Variants in PRH2 observed in about 807,000 individuals in gnomAD.
PRH2 encodes the protein proline rich protein HaeIII subfamily 2.
PRH2 carries 19 observed loss-of-function variants against 22.6 expected under a neutral mutation model. The observed-to-expected ratio is 0.84, with a 90% confidence interval of 0.59 to 1.23. The LOEUF (loss-of-function observed/expected upper bound fraction) is 1.23. PRH2 is among the 50% of genes most tolerant of loss of function. PRH2 has a pLI of 0.00. For synonymous variants in PRH2, 45 were observed against 72.0 expected (o/e 0.63, Z 1.90); for missense variants, 109 against 203.0 (o/e 0.54, Z 2.81).
intron 1 of PRH2, 122 bp downstream of exon 1, chr12:10,929,459 T>C (rs1040745528): frequency 4.0e-6 from 5 of 1,235,930 alleles, no homozygotes; most frequent in Non-Finnish European, 5.7e-6. Context: ...AGAGTTCTCA[T>C]GCCAAGGATC....
chr12:10,933,692 T>C lies in PRH2; in HGVS notation c.*1485T>C, dbSNP rs1446820288. ...AAAACAATTCTTGTAAAATACTTTTTTGATTAGCCTTCTGACCATGATTAA... is the reference window on the plus strand; with the variant it reads ...AAAACAATTCTTGTAAAATACTTTTCTGATTAGCCTTCTGACCATGATTAA... On this transcript the variant is annotated 3_prime_UTR_variant, in exon 4 of 4. Transcript: ENST00000396400. Among the ~76,000 whole-genome samples, 1 of 152,118 alleles carries C rather than the reference T, an allele frequency of 6.6e-6. No individual in the cohort carries two copies. The highest frequency in any genetic ancestry group is 1.5e-5 in the Non-Finnish European group (1 of 67,964).
At chr12:10,930,497 T>C (rs1407338720) in intron 2 of PRH2, among the ~76,000 whole-genome samples, 165 bp from the exon 3 acceptor site, 3 of 151,992 alleles carry the variant, frequency 2.0e-5, no homozygotes, top group African/African-American at 7.3e-5. Context: ...CACCCTAATG[T>C]GGATTAAGAG....
Position 10,930,865 on chromosome 12 carries a change from C to A in PRH2, c.304C>A (p.Pro102Thr). 1.2e-6 allele frequency: 2 copies of A among 1,613,244 alleles called. No individual in the cohort carries two copies. Among genetic ancestry groups the A allele is most frequent in the Non-Finnish European group, 1.7e-6 (2 of 1,179,548 alleles). The stretch of plus-strand genomic sequence containing the variant: ...ACCACCCCAACAGGGAGGCCATCCC[C>A]CTCCTCCTCAAGGAAGGCCACAAGG... Reference protein sequence around the residue: ...QGPPQQGGHPPPPQGRPQGPP... With the variant: ...QGPPQQGGHPTPPQGRPQGPP... Residue 102 changes from proline (P) to threonine (T), a missense_variant, in exon 3 of 4, where the codon CCT becomes ACT. By Grantham distance (38) the Pro-to-Thr change is conservative. Around this residue, in one of 4 missense-constraint regions of PRH2, gnomAD observed 41 missense variants for 93.6 expected, o/e 0.44. Coordinates refer to ENST00000396400, the MANE Select transcript of PRH2 (RefSeq NM_001110213.1).
At chr12:10,930,582 C>T (rs904350438) in intron 2 of PRH2, 80 bp from the exon 3 acceptor site, 21 of 1,582,738 alleles carry the variant, frequency 1.3e-5, no homozygotes, top group Admixed American at 5.2e-5. Context: ...AGGGGCCGGC[C>T]GTGTGGTGAA....
At chr12:10,931,223 G>A (rs1482987813) in intron 3 of PRH2, 143 bp downstream of exon 3, 9 of 1,489,094 alleles carry the variant, frequency 6.0e-6, no homozygotes, top group South Asian at 1.4e-5. Context: ...AATATTCTGG[G>A]ATAAGGTAGC....
rs560735254 is a variant in PRH2 at position 10,933,901 on chromosome 12, A to G, written c.*1694A>G. Reference sequence around the variant, plus strand: ...ATACATATATTCAAATGGAAGGAGTAAAATTACCACCACATGCAGATCTGT... The same window carrying G: ...ATACATATATTCAAATGGAAGGAGTGAAATTACCACCACATGCAGATCTGT... On this transcript the variant is annotated 3_prime_UTR_variant, in exon 4 of 4. Coordinates refer to ENST00000396400, the MANE Select transcript of PRH2 (RefSeq NM_001110213.1). Among the ~76,000 whole-genome samples, 59 of 152,274 alleles carry G rather than the reference A, an allele frequency of 3.9e-4. No homozygotes were observed. The highest frequency in any genetic ancestry group is 7.9e-4 in the Non-Finnish European group (54 of 67,972).
intron 2 of PRH2, 104 bp downstream of exon 2, chr12:10,930,408 A>T (rs1411779234): frequency 1.3e-6 from 2 of 1,507,978 alleles, no homozygotes; most frequent in Non-Finnish European, 1.8e-6. Flanking sequence ...ATTGGCTAAT[A>T]TCAGTGCCCC....
rs977360175 is a variant in PRH2 at position 10,933,774 on chromosome 12, A to G, written c.*1567A>G. On this transcript the variant is annotated 3_prime_UTR_variant, in exon 4 of 4. Coordinates refer to ENST00000396400, the MANE Select transcript of PRH2 (RefSeq NM_001110213.1). ...ATGTGTATCTGCAACACCCTGAAAA[A>G]TTATCTAATAAAAAGGCACAAAGAA... is the stretch of plus-strand genomic sequence containing the variant. Among the ~76,000 whole-genome samples the G allele has an allele frequency of 7.2e-5, 11 of 152,130 alleles. No homozygotes were observed. The highest frequency in any genetic ancestry group is 1.0e-4 in the Non-Finnish European group (7 of 67,980).
At chr12:10,930,422 G>C in intron 2 of PRH2, 118 bp downstream of exon 2, 3 of 1,478,096 alleles carry the variant, frequency 2.0e-6, no homozygotes, top group Non-Finnish European at 2.8e-6. Context: ...GTGCCCCAGA[G>C]ATATAAACAG....
At position 10,929,248 on chromosome 12, in the gene PRH2, G is replaced by C. The variant is rs376610717; in HGVS notation, c.-26G>C. 1.2e-6 allele frequency: 2 copies of C among 1,614,028 alleles called. No individual in the cohort carries two copies. The highest frequency in any genetic ancestry group is 2.7e-5 in the African/African-American group (2 of 74,922). ...ACACGTTTCTCCCAGCATAAAGTTG[G>C]GAGTGACACCAGAGCCTTCTGCAAG... is the stretch of plus-strand genomic sequence containing the variant. On this transcript the variant is annotated 5_prime_UTR_variant, in exon 1 of 4. Transcript: ENST00000396400.
chr12:10,930,594 A>C (rs1426476417), intron 2 of PRH2, 68 bp from the exon 3 acceptor site: 102 of 1,598,984 alleles, frequency 6.4e-5, no homozygotes, highest in Non-Finnish European at 8.1e-5. Context: ...TGTGGTGAAG[A>C]CAGAGAGATA....
Position 10,933,244 on chromosome 12 carries a change from C to T in PRH2, c.*1037C>T, listed in dbSNP as rs1287084313. 6.6e-6 allele frequency among the ~76,000 whole-genome samples: 1 copy of T among 151,880 alleles called. No individual in the cohort carries two copies. The highest frequency in any genetic ancestry group is 1.5e-5 in the Non-Finnish European group (1 of 67,920). On this transcript the variant is annotated 3_prime_UTR_variant, in exon 4 of 4. Coordinates refer to ENST00000396400, the MANE Select transcript of PRH2 (RefSeq NM_001110213.1). ...TATACAATATGGAGTGACTTATATA[C>T]AAAATGACCTTAAAAATATATTAAA...
Position 10,929,308 on chromosome 12 carries a change from C to T in PRH2, c.35C>T (p.Ala12Val). Residue 12 changes from alanine to valine, a missense_variant, in exon 1 of 4, where the codon GCC becomes GTC. By Grantham distance (64) the Ala-to-Val change is moderately conservative. This residue lies in a region of PRH2 where 54 missense variants were observed against 60.5 expected (regional missense o/e 0.89). Coordinates refer to ENST00000396400, the MANE Select transcript of PRH2 (RefSeq NM_001110213.1). ...ATTCTGCTGTCAGTGGCCCTGCTGG[C>T]CTTCAGCTCAGCTCAGGACTTAGAT... ...LLILLSVALL[A>V]FSSAQDLDED... 6.2e-7 allele frequency: 1 copy of T among 1,614,118 alleles called. No homozygotes were observed. Among genetic ancestry groups the T allele is most frequent in the South Asian group, 1.1e-5 (1 of 91,062 alleles).
At chr12:10,929,362 T>C (rs1950169181) in intron 1 of PRH2, 25 bp downstream of exon 1, 1 of 1,613,984 alleles carries the variant, frequency 6.2e-7, no homozygotes, top group Non-Finnish European at 8.5e-7. Flanking sequence ...GGGAAGATAT[T>C]GTGACTCTGA....
At position 10,932,452 on chromosome 12, in the gene PRH2, A is replaced by C; in HGVS notation, c.*245A>C. Reference sequence around the variant, plus strand: ...AGCTTCTTTCCTCCTTATCCTTATTAAGTCATCTGCCTGGGGAAGGAGTTC... The same window carrying C: ...AGCTTCTTTCCTCCTTATCCTTATTCAGTCATCTGCCTGGGGAAGGAGTTC... On this transcript the variant is annotated 3_prime_UTR_variant, in exon 4 of 4. Transcript: ENST00000396400. 1 of 191,444 alleles carries C rather than the reference A, an allele frequency of 5.2e-6. No individual in the cohort carries two copies. Among genetic ancestry groups the C allele is most frequent in the Non-Finnish European group, 1.2e-5 (1 of 86,850 alleles). The allele number at this position is 191,444 out of a possible 1,614,324, so 11.9% of individuals were successfully genotyped here.
Position 10,933,394 on chromosome 12 carries a change from C to G in PRH2, c.*1187C>G, listed in dbSNP as rs529380587. On this transcript the variant is annotated 3_prime_UTR_variant, in exon 4 of 4. Coordinates refer to ENST00000396400, the MANE Select transcript of PRH2 (RefSeq NM_001110213.1). ...CAGTCCTTTAGTATGCTGATTTATA[C>G]AAAATGCTGAAAAGAAGAGAAATAC... Among the ~76,000 whole-genome samples, 1 of 151,750 alleles carries G rather than the reference C, an allele frequency of 6.6e-6. No individual in the cohort carries two copies. Among genetic ancestry groups the G allele is most frequent in the Admixed American group, 6.6e-5 (1 of 15,244 alleles).
In PRH2 at chr12:10,930,972, T is replaced by A. The variant is rs1458445949; in HGVS notation, c.411T>A (p.Gly137=). ...CCCAACAGGGAGGCCATCAGCAAGG[T>A]CCTCCCCCACCTCCTCCTGGAAAGC... ...GPPQQGGHQQ[G]PPPPPPGKPQ... The change falls in exon 3 of 4, where the codon GGT becomes GGA. Residue 137 remains glycine (G), a synonymous_variant. Coordinates refer to ENST00000396400, the MANE Select transcript of PRH2 (RefSeq NM_001110213.1). 6.3e-7 allele frequency: 1 copy of A among 1,597,536 alleles called. No individual in the cohort carries two copies. Among genetic ancestry groups the A allele is most frequent in the Non-Finnish European group, 8.5e-7 (1 of 1,172,120 alleles).
intron 1 of PRH2, among the ~76,000 whole-genome samples, chr12:10,929,671 T>G (rs943922010): frequency 6.6e-6 from 1 of 152,106 alleles, no homozygotes; most frequent in Non-Finnish European, 1.5e-5. Flanking sequence ...CTGATCCCAG[T>G]AGACAGGGAT....
At chr12:10,929,785 A>T (rs1430452611) in intron 1 of PRH2, among the ~76,000 whole-genome samples, 1 of 152,218 alleles carries the variant, frequency 6.6e-6, no homozygotes, top group Admixed American at 6.5e-5. Context: ...GCCTCTGTCT[A>T]CATAGAGTTA....
Sources: allele counts gnomAD v4.1 joint callset (sites outside exome capture counted in the v4.1 genomes callset), GRCh38; gene constraint gnomAD v4.1.1; regional missense constraint gnomAD v4.1.1; transcripts MANE v1.5; gene names NCBI Gene and HGNC (gene_info 2026-07-23, HGNC 2026-07-21).